The following YIPF1 variants were observed in gnomAD, a reference collection of about 807,000 sequenced individuals.
YIPF1 encodes the protein Yip1 domain family member 1, also known as protein YIPF1.
In YIPF1, 22 loss-of-function variants were observed where a neutral mutation model predicts 37.0. The ratio of observed to expected loss-of-function variants is 0.59; its 90% CI spans 0.42 to 0.85. YIPF1 has a LOEUF of 0.85. YIPF1 is among the 40% of genes least tolerant of loss of function. The pLI, the probability that YIPF1 is intolerant of heterozygous loss-of-function variation, is 0.00. For synonymous variants in YIPF1, 128 were observed against 131.9 expected, an observed-to-expected ratio of 0.97 and a Z score of 0.21; for missense variants, 355 against 373.1, an observed-to-expected ratio of 0.95 and a Z score of 0.40.
chr1:53,861,562 A>G (rs1649874596), intron 9 of YIPF1, among the ~76,000 whole-genome samples: 1 of 150,526 alleles, frequency 6.6e-6, no homozygotes, highest in South Asian at 2.1e-4. Context: ...TGGTGTGGTG[A>G]CTCAAGAGAG....
intron 5 of YIPF1, 70 bp from the exon 6 acceptor site, chr1:53,878,472 G>C (rs1225688449): frequency 3.2e-6 from 5 of 1,545,280 alleles, no homozygotes; most frequent in African/African-American, 1.4e-5. Context: ...CTACAAAATT[G>C]AAACTCAGTC....
intron 10 of YIPF1, among the ~76,000 whole-genome samples, chr1:53,853,375 G>T (rs1649643301): frequency 6.6e-6 from 1 of 152,248 alleles, no homozygotes; most frequent in Admixed American, 6.5e-5. Context: ...GGAGGATCTG[G>T]TTGTAGTGGG....
intron 10 of YIPF1, among the ~76,000 whole-genome samples, chr1:53,857,914 G>A (rs1649762943): frequency 6.7e-6 from 1 of 149,794 alleles, no homozygotes; most frequent in Non-Finnish European, 1.5e-5. Flanking sequence ...CCGGGAGGCA[G>A]AGGTTGCAGT....
chr1:53,869,160 TCACACA>T (rs55922911), intron 7 of YIPF1, among the ~76,000 whole-genome samples: 38 of 138,032 alleles, frequency 2.8e-4, no homozygotes, highest in South Asian at 1.2e-3. Flanking sequence ...TCTCTCTCTC[TCACACA>T]CACACACACA....
At chr1:53,879,294 A>AT (rs1404083060) in intron 4 of YIPF1, among the ~76,000 whole-genome samples, 1 of 151,800 alleles carries the variant, frequency 6.6e-6, no homozygotes, top group Non-Finnish European at 1.5e-5. Context: ...GAGTCTCATT[A>AT]TTTTGCCCAG....
chr1:53,866,100 C>T (rs927996797), intron 9 of YIPF1, 100 bp downstream of exon 9: 37 of 1,446,452 alleles, frequency 2.6e-5, no homozygotes, highest in Non-Finnish European at 3.3e-5. Context: ...ATGCCCAGCC[C>T]ATGGACTCAA....
At position 53,853,179 on chromosome 1, in the gene YIPF1, ACATGGTCCCAACTGT is replaced by A. The variant is rs567298194; in HGVS notation, c.*9-924_*9-910del. Among the ~76,000 whole-genome samples, 312 of 152,360 alleles carry A rather than the reference ACATGGTCCCAACTGT, an allele frequency of 2.0e-3. 1 individual carries two copies. The highest frequency in any genetic ancestry group is 3.3e-3 in the Non-Finnish European group (227 of 68,034). The stretch of plus-strand genomic sequence containing the variant: ...CTGGGGACAGTGATGAACAAGACAG[ACATGGTCCCAACTGT>A]CAAGGAACCAGTCTACCAAGAGAAG... On this transcript the variant is annotated intron_variant, in intron 10 of 10. Transcript: ENST00000072644.
intron 6 of YIPF1, among the ~76,000 whole-genome samples, chr1:53,876,427 C>T (rs1650336446): frequency 6.6e-6 from 1 of 152,144 alleles, no homozygotes; most frequent in South Asian, 2.1e-4. Flanking sequence ...TTCTTAACTG[C>T]CTTCCTCTAA....
chr1:53,883,812 C>T (rs990456765), intron 3 of YIPF1, among the ~76,000 whole-genome samples: 3 of 150,276 alleles, frequency 2.0e-5, no homozygotes, highest in Non-Finnish European at 3.0e-5. Context: ...CCAAGGCAGG[C>T]GGATCACCTG....
chr1:53,860,994 C>T (rs991828788), intron 9 of YIPF1, among the ~76,000 whole-genome samples: 20 of 152,188 alleles, frequency 1.3e-4, no homozygotes, highest in Admixed American at 9.2e-4. Flanking sequence ...CCCTTGGGGT[C>T]AGTGCCCTTA....
chr1:53,865,569 T>C (rs1401725791), intron 9 of YIPF1, among the ~76,000 whole-genome samples: 4 of 152,218 alleles, frequency 2.6e-5, no homozygotes, highest in African/African-American at 4.8e-5. Flanking sequence ...TTGGTATCCA[T>C]AGAGGGTCCT....
At chr1:53,857,993 A>C (rs1167015487) in intron 10 of YIPF1, among the ~76,000 whole-genome samples, 1 of 151,938 alleles carries the variant, frequency 6.6e-6, no homozygotes, top group Non-Finnish European at 1.5e-5. Context: ...AAAAAAAAAA[A>C]AAAAAAAGTG....
rs1649607870 is a variant in YIPF1, at chr1:53,852,048, T to C, written c.*231A>G. The C allele has an allele frequency of 6.6e-6, 1 of 152,250 alleles. No homozygotes were observed. The highest frequency in any genetic ancestry group is 2.4e-5 in the African/African-American group (1 of 41,474). The allele number at this position is 152,250 out of a possible 1,614,324, so 9.4% of individuals were successfully genotyped here. On this transcript the variant is annotated 3_prime_UTR_variant, in exon 11 of 11. Transcript: ENST00000072644. ...CTGGCATTTCAGTCCAATCAGCGCA[T>C]GCTCGCAATGATCATCCATGGGTGA...
chr1:53,881,925 C>T (rs145664099), intron 4 of YIPF1, among the ~76,000 whole-genome samples: 9 of 152,296 alleles, frequency 5.9e-5, no homozygotes, highest in African/African-American at 1.9e-4. Flanking sequence ...TTCACTGCAG[C>T]ACTATTCACA....
At chr1:53,868,627 C>T (rs1650094769) in intron 7 of YIPF1, among the ~76,000 whole-genome samples, 1 of 152,148 alleles carries the variant, frequency 6.6e-6, no homozygotes, top group Non-Finnish European at 1.5e-5. Flanking sequence ...GTCAGAGAAG[C>T]TAAGTTGTTT....
At chr1:53,855,032 G>A (rs1233065415) in intron 10 of YIPF1, 1 of 151,750 alleles carries the variant, frequency 6.6e-6, no homozygotes, top group Non-Finnish European at 1.5e-5. Context: ...TCAGCAAGGA[G>A]AGGGTATCTC....
chr1:53,856,248 C>G (rs1314203149), intron 10 of YIPF1, among the ~76,000 whole-genome samples: 2 of 152,224 alleles, frequency 1.3e-5, no homozygotes, highest in Non-Finnish European at 2.9e-5. Flanking sequence ...GTACACCAGT[C>G]TGCTAAGTCT....
At chr1:53,852,786 A>G (rs1036973609) in intron 10 of YIPF1, among the ~76,000 whole-genome samples, 1 of 152,164 alleles carries the variant, frequency 6.6e-6, no homozygotes, top group Admixed American at 6.5e-5. Flanking sequence ...GGGGGCCAAA[A>G]AAAAAAAGTT....
At chr1:53,888,064 A>G (rs944026602) in intron 3 of YIPF1, among the ~76,000 whole-genome samples, 1 of 152,186 alleles carries the variant, frequency 6.6e-6, no homozygotes, top group African/African-American at 2.4e-5. Flanking sequence ...CGTCTCTACT[A>G]AAAATACAAA....
Sources: allele counts gnomAD v4.1 joint callset (sites outside exome capture counted in the v4.1 genomes callset), GRCh38; gene constraint gnomAD v4.1.1; transcripts MANE v1.5; gene names NCBI Gene and HGNC (gene_info 2026-07-23, HGNC 2026-07-21).